The following EMC3 variants were observed in gnomAD, a reference collection of about 807,000 sequenced individuals.
EMC3 encodes the protein 30 kDa protein.
Under a neutral mutation model 36.6 loss-of-function variants are expected in EMC3, and 13 were observed. The observed-to-expected ratio is 0.35, with a 90% CI of 0.23 to 0.56. The LOEUF (loss-of-function observed/expected upper bound fraction) is 0.56. EMC3 is among the 20% of genes least tolerant of loss of function. EMC3 has a pLI of 0.84. For missense variants in EMC3, 220 were observed against 324.5 expected (o/e 0.68, Z 2.47); for synonymous variants, 120 against 111.9 (o/e 1.07, Z -0.46).
intron 6 of EMC3, 47 bp from the exon 7 acceptor site, chr3:9,969,848 C>T: frequency 1.2e-6 from 2 of 1,602,980 alleles, no homozygotes; most frequent in Non-Finnish European, 8.5e-7. Context: ...TCAGCAAGCA[C>T]CCCAGCACCC....
chr3:9,981,222 A>T (rs763847785), intron 1 of EMC3, among the ~76,000 whole-genome samples: 1 of 152,182 alleles, frequency 6.6e-6, no homozygotes, highest in Non-Finnish European at 1.5e-5. Flanking sequence ...TGGGTGACAA[A>T]GCAAGACCCT....
chr3:9,986,712 G>A lies in EMC3; in HGVS notation c.-51C>T, dbSNP rs749231715. 6.2e-7 allele frequency: 1 copy of A among 1,605,504 alleles called. No individual in the cohort carries two copies. Among genetic ancestry groups the A allele is most frequent in the Admixed American group, 1.7e-5 (1 of 59,194 alleles). On this transcript the variant is annotated 5_prime_UTR_variant, in exon 1 of 8. Coordinates refer to ENST00000245046, the MANE Select transcript of EMC3 (RefSeq NM_001394674.1). ...TGGAATGGGCGAGCTTCTCTTCTCC[G>A]GGGCACAGTTGCTTCTCTTCGGCTT... is the stretch of plus-strand genomic sequence containing the variant.
chr3:9,998,327 C>T (rs2086153192), intron 1 of EMC3, among the ~76,000 whole-genome samples: 3 of 150,230 alleles, frequency 2.0e-5, no homozygotes, highest in Middle Eastern at 3.5e-3. Flanking sequence ...GATTGCGCCA[C>T]TGCACTCCAG....
chr3:9,997,383 G>T (rs2086139589), intron 1 of EMC3, among the ~76,000 whole-genome samples: 3 of 151,806 alleles, frequency 2.0e-5, no homozygotes, highest in Non-Finnish European at 4.4e-5. Flanking sequence ...ATATTTTCAA[G>T]GTTCATGTAT....
chr3:9,975,297 ACATCTG>A (rs1437546446), intron 3 of EMC3, among the ~76,000 whole-genome samples: 2 of 152,176 alleles, frequency 1.3e-5, no homozygotes, highest in Non-Finnish European at 2.9e-5. Flanking sequence ...TCTTGCACAT[ACATCTG>A]CATGTTTATG....
At chr3:10,000,708 C>A in intron 1 of EMC3, 1 of 475,110 alleles carries the variant, frequency 2.1e-6, no homozygotes, top group South Asian at 1.5e-5. Flanking sequence ...TTAATGCCGG[C>A]AAAGATCATT....
intron 1 of EMC3, among the ~76,000 whole-genome samples, chr3:9,983,824 G>A (rs2085939347): frequency 6.6e-6 from 1 of 152,182 alleles, no homozygotes; most frequent in African/African-American, 2.4e-5. Context: ...ACGACAGCAG[G>A]AATCATGGTT....
Position 9,999,329 on chromosome 3 carries a change from C to T in EMC3, c.-242+11694G>A, listed in dbSNP as rs368702610. On this transcript the variant is annotated intron_variant, in intron 1 of 8. Transcript: ENST00000470827. ...CGATCTCGACTCTCTGCAATCTCTA[C>T]CTTGCGGGTTCAGACAATTCTCCTG... Among the ~76,000 whole-genome samples the T allele has an allele frequency of 7.3e-5, 11 of 151,710 alleles. 1 individual carries two copies. The East Asian group carries it at 9.7e-4, about 13-fold the overall frequency.
chr3:9,975,815 GAAAAAAA>G (rs56879267), intron 3 of EMC3, among the ~76,000 whole-genome samples: 5 of 88,110 alleles, frequency 5.7e-5, no homozygotes, highest in Admixed American at 1.3e-4. Context: ...CCTTTCTGAA[GAAAAAAA>G]AAAAAAAAAA....
At chr3:9,979,955 A>C (rs1390105292) in intron 1 of EMC3, among the ~76,000 whole-genome samples, 1 of 152,202 alleles carries the variant, frequency 6.6e-6, no homozygotes, top group Admixed American at 6.6e-5. Context: ...AATGTGATGA[A>C]AACAAGACTT....
At chr3:10,009,305 C>T (rs1333609546) in intron 1 of EMC3, among the ~76,000 whole-genome samples, 6 of 152,188 alleles carry the variant, frequency 3.9e-5, no homozygotes, top group Non-Finnish European at 5.9e-5. Flanking sequence ...GTATCTGTCC[C>T]CTTTCCCCCC....
chr3:9,964,041 C>G lies in EMC3; in HGVS notation c.*28G>C. On this transcript the variant is annotated 3_prime_UTR_variant, in exon 8 of 8. Transcript: ENST00000245046. ...ACAAGGTTAAGTGCAACTCCAAGTT[C>G]CTGACACAGCTAATCCCTGCTCGGT... 6.2e-7 allele frequency: 1 copy of G among 1,612,008 alleles called. No homozygotes were observed. The highest frequency in any genetic ancestry group is 2.2e-5 in the East Asian group (1 of 44,868).
At chr3:10,001,939 C>G (rs1213236087) in intron 1 of EMC3, among the ~76,000 whole-genome samples, 2 of 152,076 alleles carry the variant, frequency 1.3e-5, no homozygotes, top group African/African-American at 4.8e-5. Context: ...GTGGAGCTTG[C>G]AGTGAGCCGA....
intron 1 of EMC3, among the ~76,000 whole-genome samples, chr3:10,005,618 G>A (rs1477670731): frequency 2.0e-5 from 3 of 152,106 alleles, no homozygotes; most frequent in African/African-American, 7.2e-5. Flanking sequence ...TACTAATGCT[G>A]AACGCCAGGA....
At chr3:10,002,294 T>TTATGTTATGTTATGTTATG (rs2086212404) in intron 1 of EMC3, among the ~76,000 whole-genome samples, 1 of 150,656 alleles carries the variant, frequency 6.6e-6, no homozygotes, top group Admixed American at 6.7e-5. Flanking sequence ...TTTATTTTAT[T>TTATGTTATGTTATGTTATG]TTATTTTATT....
Position 9,971,703 on chromosome 3 carries a change from G to C in EMC3, c.495-1042C>G, listed in dbSNP as rs116392376. Among the ~76,000 whole-genome samples the C allele has an allele frequency of 4.9e-3, 750 of 152,320 alleles. 3 individuals are homozygous for C. Among genetic ancestry groups the C allele is most frequent in the African/African-American group, 0.017 (709 of 41,572 alleles). The stretch of plus-strand genomic sequence containing the variant: ...TGAGACTGAAGGTAAAAGTAGAATA[G>C]ACTCATGCTACTCATATAATGTACA... On this transcript the variant is annotated intron_variant, in intron 5 of 7. Coordinates refer to ENST00000245046, the MANE Select transcript of EMC3 (RefSeq NM_001394674.1).
chr3:9,984,184 C>A (rs1024884254), intron 1 of EMC3, among the ~76,000 whole-genome samples: 9 of 151,924 alleles, frequency 5.9e-5, no homozygotes, highest in Admixed American at 2.0e-4. Flanking sequence ...CGGATTCAAG[C>A]GATTCTCCTG....
chr3:10,007,740 A>G lies in EMC3; in HGVS notation c.-242+3283T>C. On this transcript the variant is annotated intron_variant, in intron 1 of 8. Coordinates refer to the EMC3 transcript ENST00000470827. ...TCTGTGGGTGCAGATGCCCATCAGC[A>G]CCCATCAAGGAGCTTCCTTGTGGGT... The G allele has an allele frequency of 2.8e-6, 3 of 1,062,454 alleles. No individual in the cohort carries two copies. In the South Asian group the frequency reaches 4.4e-5, roughly 15 times the overall value. 65.8% of individuals were successfully genotyped at this position (1,062,454 alleles called of 1,614,324 possible).
Position 9,964,010 on chromosome 3 carries a change from A to G in EMC3, c.*59T>C. 1 of 1,594,016 alleles carries G rather than the reference A, an allele frequency of 6.3e-7. No individual in the cohort carries two copies. Among genetic ancestry groups the G allele is most frequent in the East Asian group, 2.2e-5 (1 of 44,662 alleles). ...ATTTCAAGAGGTGCCAGCTCCAAAC[A>G]AAGTTACAAGGTTAAGTGCAACTCC... is the stretch of plus-strand genomic sequence containing the variant. On this transcript the variant is annotated 3_prime_UTR_variant, in exon 8 of 8. Transcript: ENST00000245046.
Sources: gnomAD v4.1 joint callset for allele counts (sites outside exome capture counted in the v4.1 genomes callset) on GRCh38, gnomAD v4.1.1 for gene constraint, MANE v1.5 for transcripts, NCBI Gene and HGNC (gene_info 2026-07-23, HGNC 2026-07-21) for gene names.